Variants in PDE4D observed in about 807,000 individuals in gnomAD.
PDE4D encodes phosphodiesterase 4D.
Under a neutral mutation model 87.4 loss-of-function variants are expected in PDE4D, and 24 were observed. The observed-to-expected ratio is 0.27, with a 90% confidence interval of 0.20 to 0.39. The LOEUF (loss-of-function observed/expected upper bound fraction) is 0.39, where lower values mean the gene tolerates loss of function less well. Among genes scored for constraint, PDE4D ranks in the 10% least tolerant of loss-of-function variants. The pLI, the probability that PDE4D is intolerant of heterozygous loss-of-function variation, is 1.00. For missense variants in PDE4D, 714 were observed against 1,041.0 expected, an observed-to-expected ratio of 0.69 and a Z score of 4.32; for synonymous variants, 384 against 383.2, an observed-to-expected ratio of 1.00 and a Z score of -0.02.
chr5:59,984,529 A>G (rs1762219342), intron 3 of PDE4D, among the ~76,000 whole-genome samples: 1 of 152,224 alleles, frequency 6.6e-6, no homozygotes, highest in Admixed American at 6.5e-5. Flanking sequence ...GTTTGGGCAT[A>G]CTCAAAAGAA....
intron 1 of PDE4D, among the ~76,000 whole-genome samples, chr5:60,336,491 T>G (rs1757761740): frequency 6.6e-6 from 1 of 152,230 alleles, no homozygotes; most frequent in Non-Finnish European, 1.5e-5. Flanking sequence ...AGGGTGCCCG[T>G]GCTTCCTGAG....
chr5:59,686,690 CA>C (rs1749925418), intron 1 of PDE4D, among the ~76,000 whole-genome samples: 1 of 152,130 alleles, frequency 6.6e-6, no homozygotes, highest in African/African-American at 2.4e-5. Context: ...CTCAACACAA[CA>C]AATATTTACC....
At chr5:60,110,019 A>AC (rs992213750) in intron 2 of PDE4D, among the ~76,000 whole-genome samples, 8 of 149,278 alleles carry the variant, frequency 5.4e-5, no homozygotes, top group Non-Finnish European at 1.2e-4. Flanking sequence ...AATAATAATT[A>AC]AAAAAAAATT....
intron 1 of PDE4D, among the ~76,000 whole-genome samples, chr5:59,432,105 C>A (rs143565295): frequency 2.6e-5 from 4 of 152,124 alleles, no homozygotes; most frequent in East Asian, 1.9e-4. Context: ...AGATTGCTGT[C>A]TTTTCCCTTC....
chr5:60,244,830 CTA>C (rs753754827), intron 1 of PDE4D, among the ~76,000 whole-genome samples: 4 of 152,092 alleles, frequency 2.6e-5, no homozygotes, highest in Non-Finnish European at 4.4e-5. Flanking sequence ...AGACCTCAAA[CTA>C]TGAAACTACT....
chr5:59,942,095 A>C lies in PDE4D; in HGVS notation c.272+46393T>G, dbSNP rs150268334. 1.3e-3 allele frequency among the ~76,000 whole-genome samples: 199 copies of C among 152,380 alleles called. 1 individual carries two copies. The highest frequency in any genetic ancestry group is 4.4e-3 in the African/African-American group (182 of 41,594). ...AACTTGGAAGGGGGTGAGAGGGAGC[A>C]GTCTTGGTTTAAATACCACAGGCTT... On this transcript the variant is annotated intron_variant, in intron 3 of 16. Transcript: ENST00000502484.
chr5:59,805,456 C>T (rs1767630389), intron 1 of PDE4D, among the ~76,000 whole-genome samples: 2 of 152,198 alleles, frequency 1.3e-5, no homozygotes, highest in Admixed American at 1.3e-4. Flanking sequence ...CAAGTGTGTT[C>T]ACTTAGTGAA....
chr5:59,218,952 C>T (rs1367891129), intron 1 of PDE4D, among the ~76,000 whole-genome samples: 1 of 146,464 alleles, frequency 6.8e-6, no homozygotes, highest in East Asian at 2.0e-4. Flanking sequence ...GAACAAAAAA[C>T]CAAACACCGC....
At chr5:59,712,672 T>C (rs945236715) in intron 1 of PDE4D, among the ~76,000 whole-genome samples, 1 of 151,404 alleles carries the variant, frequency 6.6e-6, no homozygotes, top group South Asian at 2.1e-4. Flanking sequence ...ATAATGTATA[T>C]ACGCTATAGG....
chr5:59,161,942 T>C (rs1477792263), intron 5 of PDE4D, among the ~76,000 whole-genome samples: 2 of 152,192 alleles, frequency 1.3e-5, no homozygotes, highest in African/African-American at 4.8e-5. Context: ...ACTTTTTCTT[T>C]TAGAGAAGCA....
At chr5:59,194,058 A>G (rs1171933852) in intron 2 of PDE4D, among the ~76,000 whole-genome samples, 1 of 152,198 alleles carries the variant, frequency 6.6e-6, no homozygotes, top group African/African-American at 2.4e-5. Context: ...TGAAATGTTC[A>G]ACTGACTCAT....
At chr5:59,467,841 T>C (rs867307312) in intron 1 of PDE4D, among the ~76,000 whole-genome samples, 1 of 152,338 alleles carries the variant, frequency 6.6e-6, no homozygotes, top group Middle Eastern at 3.4e-3. Flanking sequence ...ACATTTATTG[T>C]CAAAAGCTTT....
intron 1 of PDE4D, among the ~76,000 whole-genome samples, chr5:60,412,635 T>C (rs1251756170): frequency 1.3e-5 from 2 of 152,216 alleles, no homozygotes; most frequent in East Asian, 3.8e-4. Flanking sequence ...AGAATTATGT[T>C]ATTGGTTCTA....
At chr5:59,920,977 C>A (rs1029155196) in intron 3 of PDE4D, among the ~76,000 whole-genome samples, 1 of 152,122 alleles carries the variant, frequency 6.6e-6, no homozygotes, top group African/African-American at 2.4e-5. Flanking sequence ...AACAAACCTG[C>A]ACGTTGTGCA....
chr5:60,037,236 A>G (rs990227918), intron 2 of PDE4D, among the ~76,000 whole-genome samples: 1 of 152,192 alleles, frequency 6.6e-6, no homozygotes, highest in African/African-American at 2.4e-5. Flanking sequence ...ATGCAATACA[A>G]TATGTTAAAA....
At chr5:59,279,676 G>A (rs1273321444) in intron 1 of PDE4D, among the ~76,000 whole-genome samples, 1 of 151,974 alleles carries the variant, frequency 6.6e-6, no homozygotes, top group African/African-American at 2.4e-5. Flanking sequence ...TCCCTCCAAA[G>A]TAGATGTGAT....
At chr5:60,419,329 A>G (rs1208148550) in intron 1 of PDE4D, among the ~76,000 whole-genome samples, 1 of 152,174 alleles carries the variant, frequency 6.6e-6, no homozygotes, top group Non-Finnish European at 1.5e-5. Flanking sequence ...ATTAATATGT[A>G]TAGCCTCCAA....
At chr5:60,246,201 T>G (rs1747757011) in intron 1 of PDE4D, among the ~76,000 whole-genome samples, 1 of 151,946 alleles carries the variant, frequency 6.6e-6, no homozygotes, top group African/African-American at 2.4e-5. Context: ...ATTTAATGGA[T>G]GAATTTAATT....
intron 2 of PDE4D, among the ~76,000 whole-genome samples, chr5:60,178,170 C>A (rs961669638): frequency 2.6e-5 from 4 of 152,092 alleles, no homozygotes; most frequent in African/African-American, 9.7e-5. Flanking sequence ...TGCTAGAAAA[C>A]CCTGTCAGAA....
Sources: allele counts gnomAD v4.1 joint callset (sites outside exome capture counted in the v4.1 genomes callset), GRCh38; gene constraint gnomAD v4.1.1; transcripts MANE v1.5; gene names NCBI Gene and HGNC (gene_info 2026-07-23, HGNC 2026-07-21).